The following KCNK2 variants were observed in gnomAD, a reference collection of about 807,000 sequenced individuals.
KCNK2 encodes the protein potassium channel subfamily K member 2.
Under a neutral mutation model 40.5 loss-of-function variants are expected in KCNK2, and 21 were observed. The ratio of observed to expected loss-of-function variants is 0.52; its 90% confidence interval spans 0.37 to 0.75. KCNK2 has a LOEUF of 0.75. Ranked by LOEUF, KCNK2 falls within the 30% of genes least tolerant of loss-of-function variation. The probability of loss-of-function intolerance (pLI) is 0.00; values close to 1 mark genes in which losing one functional copy is unlikely to be tolerated. For missense variants in KCNK2, 399 were observed against 531.6 expected, an observed-to-expected ratio of 0.75 and a Z score of 2.45; for synonymous variants, 191 against 202.2, an observed-to-expected ratio of 0.94 and a Z score of 0.47.
intron 2 of KCNK2, among the ~76,000 whole-genome samples, chr1:215,124,348 G>A (rs1042796317): frequency 1.3e-5 from 2 of 152,122 alleles, no homozygotes; most frequent in Non-Finnish European, 2.9e-5. Context: ...ATTCAAATAA[G>A]TCATTAAATA....
chr1:215,027,922 G>A (rs1657052546), intron 1 of KCNK2, among the ~76,000 whole-genome samples: 1 of 151,874 alleles, frequency 6.6e-6, no homozygotes, highest in African/African-American at 2.4e-5. Context: ...TTTCCCACTA[G>A]CATTTAAAGT....
intron 1 of KCNK2, among the ~76,000 whole-genome samples, chr1:215,010,581 A>G (rs1296813011): frequency 1.3e-5 from 2 of 152,202 alleles, no homozygotes; most frequent in African/African-American, 4.8e-5. Flanking sequence ...TGCGATTACA[A>G]GTCATTAAAT....
chr1:215,143,615 A>T (rs1044402714), intron 3 of KCNK2, among the ~76,000 whole-genome samples: 2 of 152,166 alleles, frequency 1.3e-5, no homozygotes, highest in East Asian at 3.8e-4. Flanking sequence ...CAATGTGCCT[A>T]ATCATGCAGC....
chr1:215,114,696 T>C (rs1411202926), intron 2 of KCNK2, among the ~76,000 whole-genome samples: 2 of 152,130 alleles, frequency 1.3e-5, no homozygotes, highest in Non-Finnish European at 2.9e-5. Context: ...TATTAAACAG[T>C]TTTGCAAGAC....
intron 3 of KCNK2, among the ~76,000 whole-genome samples, chr1:215,147,907 T>G (rs1440645193): frequency 1.3e-5 from 2 of 152,094 alleles, no homozygotes; most frequent in Admixed American, 6.6e-5. Context: ...AAAGGTTTGC[T>G]CTTTTTAGGT....
At chr1:215,043,599 T>C (rs1043631717) in intron 1 of KCNK2, among the ~76,000 whole-genome samples, 1 of 152,094 alleles carries the variant, frequency 6.6e-6, no homozygotes, top group Non-Finnish European at 1.5e-5. Flanking sequence ...GTCAGAATCA[T>C]AGAGACAGAA....
chr1:215,139,938 A>T (rs1354399453), intron 3 of KCNK2, among the ~76,000 whole-genome samples: 1 of 152,152 alleles, frequency 6.6e-6, no homozygotes, highest in Non-Finnish European at 1.5e-5. Context: ...ACTAGATAGG[A>T]CCATGTTTCT....
chr1:215,150,291 T>G (rs1367799124), intron 3 of KCNK2, among the ~76,000 whole-genome samples: 1 of 152,180 alleles, frequency 6.6e-6, no homozygotes, highest in East Asian at 1.9e-4. Flanking sequence ...TAGGGAAATA[T>G]TTCGGTTTGG....
chr1:215,107,880 C>G (rs6667764), intron 2 of KCNK2, among the ~76,000 whole-genome samples: 86,478 of 151,972 alleles, frequency 0.57, 26,517 homozygotes, highest in Non-Finnish European at 0.68. Context: ...CACAGTATAA[C>G]TACCATTTAC....
At chr1:215,212,608 G>C (rs1157063949) in intron 6 of KCNK2, among the ~76,000 whole-genome samples, 2 of 152,136 alleles carry the variant, frequency 1.3e-5, no homozygotes, top group Non-Finnish European at 2.9e-5. Context: ...TCTAAATGAG[G>C]AACTGGTGTG....
intron 1 of KCNK2, among the ~76,000 whole-genome samples, chr1:215,032,905 A>C (rs557456601): frequency 6.6e-6 from 1 of 152,020 alleles, no homozygotes; most frequent in African/African-American, 2.4e-5. Context: ...GATTCCATTA[A>C]TTTGAAGAAA....
chr1:215,212,516 A>G (rs1459894457), intron 6 of KCNK2, among the ~76,000 whole-genome samples: 1 of 152,172 alleles, frequency 6.6e-6, no homozygotes, highest in Non-Finnish European at 1.5e-5. Context: ...AGAGAACAAT[A>G]AGCATAGTAA....
chr1:215,031,799 G>A (rs180873182), intron 1 of KCNK2, among the ~76,000 whole-genome samples: 104 of 152,086 alleles, frequency 6.8e-4, no homozygotes, highest in African/African-American at 2.4e-3. Context: ...GTAGTTCCAG[G>A]AGTTATTTTG....
intron 2 of KCNK2, among the ~76,000 whole-genome samples, chr1:215,089,815 G>T (rs1241472787): frequency 7.2e-6 from 1 of 138,940 alleles, no homozygotes; most frequent in Admixed American, 7.6e-5. Flanking sequence ...AATTGTTCAG[G>T]TTTCTTTTTC....
At chr1:215,074,858 G>T (rs1558078364) in intron 1 of KCNK2, among the ~76,000 whole-genome samples, 1 of 152,054 alleles carries the variant, frequency 6.6e-6, no homozygotes, top group African/African-American at 2.4e-5. Context: ...AGCTTTGAAA[G>T]GGAAAAAGAA....
At chr1:215,224,864 G>A (rs561735645) in intron 6 of KCNK2, among the ~76,000 whole-genome samples, 116 of 152,030 alleles carry the variant, frequency 7.6e-4, no homozygotes, top group Non-Finnish European at 1.4e-3. Flanking sequence ...CCTTCTTCAG[G>A]TATTTTTTTA....
intron 1 of KCNK2, among the ~76,000 whole-genome samples, chr1:215,031,162 C>T (rs887042776): frequency 1.3e-5 from 2 of 152,082 alleles, no homozygotes; most frequent in Non-Finnish European, 2.9e-5. Flanking sequence ...GTCTTGAAGT[C>T]AGGGATTATC....
intron 3 of KCNK2, among the ~76,000 whole-genome samples, chr1:215,127,212 C>T (rs1430444090): frequency 5.3e-5 from 8 of 152,036 alleles, no homozygotes; most frequent in African/African-American, 1.4e-4. Context: ...CAGTGCTTCA[C>T]GGAGCTGAGT....
chr1:215,169,098 T>C, intron 3 of KCNK2, 101 bp from the exon 4 acceptor site: 1 of 808,590 alleles, frequency 1.2e-6, no homozygotes, highest in Non-Finnish European at 1.9e-6. Flanking sequence ...TCAAAATCAA[T>C]TATTGATATC....
Sources: allele counts gnomAD v4.1 joint callset (sites outside exome capture counted in the v4.1 genomes callset), GRCh38; gene constraint gnomAD v4.1.1; transcripts MANE v1.5; gene names NCBI Gene and HGNC (gene_info 2026-07-23, HGNC 2026-07-21).